Variants in FYB1 observed in about 807,000 individuals in gnomAD.
FYB1 encodes the protein FYN binding protein 1, also known as FYN-binding protein 1.
Under a neutral mutation model 94.1 loss-of-function variants are expected in FYB1, and 41 were observed. The observed-to-expected ratio is 0.44, with a 90% CI of 0.34 to 0.57. The LOEUF (loss-of-function observed/expected upper bound fraction) is 0.57. Among genes scored for constraint, FYB1 ranks in the 20% least tolerant of loss-of-function variants. The pLI, the probability that FYB1 is intolerant of heterozygous loss-of-function variation, is 0.02. For missense variants in FYB1, 1,050 were observed against 976.8 expected (o/e 1.07, Z -1.00); for synonymous variants, 367 against 353.2 (o/e 1.04, Z -0.44).
At chr5:39,232,704 C>T (rs1211315970) in intron 1 of FYB1, among the ~76,000 whole-genome samples, 3 of 151,048 alleles carry the variant, frequency 2.0e-5, no homozygotes, top group Admixed American at 6.6e-5. Context: ...TCTCCCAATG[C>T]TAACCCTCCC....
intron 2 of FYB1, among the ~76,000 whole-genome samples, chr5:39,183,256 G>T (rs1746426597): frequency 1.3e-5 from 2 of 152,064 alleles, no homozygotes; most frequent in Admixed American, 1.3e-4. Context: ...AAAATGCTGG[G>T]ATTACAGGCA....
chr5:39,134,051 C>T (rs1028217095), intron 9 of FYB1, among the ~76,000 whole-genome samples, 157 bp downstream of exon 9: 4 of 152,176 alleles, frequency 2.6e-5, no homozygotes, highest in Non-Finnish European at 5.9e-5. Flanking sequence ...GAGTTTCAAA[C>T]GACCTTTCAC....
In FYB1 at chr5:39,166,943, C is replaced by A. The variant is rs946936115; in HGVS notation, c.1136-13339G>T. Among the ~76,000 whole-genome samples, 128 of 151,950 alleles carry A rather than the reference C, an allele frequency of 8.4e-4. 1 individual carries two copies. The highest frequency in any genetic ancestry group is 3.1e-3 in the African/African-American group (127 of 41,422). On this transcript the variant is annotated intron_variant, in intron 2 of 18. Coordinates refer to ENST00000512982, the MANE Select transcript of FYB1 (RefSeq NM_001465.6). ...TGAAAAAAAACCCCTGCACTTTATCCCTTAAATTTATATAAATAAAAAAAG... is the reference window on the plus strand; with the variant it reads ...TGAAAAAAAACCCCTGCACTTTATCACTTAAATTTATATAAATAAAAAAAG...
At chr5:39,193,977 A>C (rs113891663) in intron 2 of FYB1, among the ~76,000 whole-genome samples, 2,529 of 152,320 alleles carry the variant, frequency 0.017, 73 homozygotes, top group African/African-American at 0.056. Flanking sequence ...CAGCCAGATC[A>C]AAAGAACTAG....
At chr5:39,247,674 T>C (rs835187) in intron 1 of FYB1, among the ~76,000 whole-genome samples, 25,456 of 152,030 alleles carry the variant, frequency 0.17, 5,684 homozygotes, top group African/African-American at 0.49. Context: ...TTTCTTTATA[T>C]GTCAATTGTG....
At chr5:39,157,403 CG>C (rs1163763304) in intron 2 of FYB1, among the ~76,000 whole-genome samples, 2 of 152,112 alleles carry the variant, frequency 1.3e-5, no homozygotes, top group Non-Finnish European at 2.9e-5. Flanking sequence ...GCTCACATAT[CG>C]GGGTGTTCTT....
intron 16 of FYB1, among the ~76,000 whole-genome samples, chr5:39,111,532 A>T (rs1050153701): frequency 6.6e-6 from 1 of 151,846 alleles, no homozygotes; most frequent in African/African-American, 2.4e-5. Flanking sequence ...TATACATTAA[A>T]ATTTAAGAAA....
chr5:39,183,843 G>A (rs1330512934), intron 2 of FYB1, among the ~76,000 whole-genome samples: 2 of 152,172 alleles, frequency 1.3e-5, no homozygotes, highest in Non-Finnish European at 2.9e-5. Flanking sequence ...TTCTGATTCA[G>A]GAAGGGGGCT....
intron 1 of FYB1, among the ~76,000 whole-genome samples, chr5:39,236,848 C>A (rs10051193): frequency 0.11 from 15,977 of 152,100 alleles, 2,325 homozygotes; most frequent in African/African-American, 0.32. Flanking sequence ...TGTCATCTAT[C>A]AAACAGAGAT....
chr5:39,244,339 T>C (rs918354869), intron 1 of FYB1, among the ~76,000 whole-genome samples: 1 of 151,774 alleles, frequency 6.6e-6, no homozygotes, highest in Non-Finnish European at 1.5e-5. Flanking sequence ...TTATAGAGAG[T>C]TTTCAGCATG....
At chr5:39,242,440 T>G (rs1467182700) in intron 1 of FYB1, among the ~76,000 whole-genome samples, 1 of 152,138 alleles carries the variant, frequency 6.6e-6, no homozygotes, top group Non-Finnish European at 1.5e-5. Context: ...GTTTCCAGCT[T>G]CATCCATGTC....
intron 2 of FYB1, among the ~76,000 whole-genome samples, chr5:39,175,835 C>T (rs1316205694): frequency 6.6e-6 from 1 of 152,072 alleles, no homozygotes; most frequent in Non-Finnish European, 1.5e-5. Flanking sequence ...TAGTGAATAA[C>T]CTAGTGAATG....
intron 14 of FYB1, among the ~76,000 whole-genome samples, chr5:39,120,670 A>G (rs1031018292): frequency 6.6e-6 from 1 of 152,160 alleles, no homozygotes; most frequent in Non-Finnish European, 1.5e-5. Context: ...AGAGCTATAG[A>G]TATCTTTAGT....
At chr5:39,210,814 C>CA (rs1471169915) in intron 1 of FYB1, among the ~76,000 whole-genome samples, 1 of 152,178 alleles carries the variant, frequency 6.6e-6, no homozygotes, top group African/African-American at 2.4e-5. Flanking sequence ...GGTTTGAGTT[C>CA]ATCCTAAGCA....
At chr5:39,270,342 C>T (rs550658506) in intron 1 of FYB1, among the ~76,000 whole-genome samples, 4 of 152,178 alleles carry the variant, frequency 2.6e-5, no homozygotes, top group South Asian at 2.1e-4. Context: ...TGCTCTTCCC[C>T]TATTCTGAAG....
chr5:39,259,100 C>T (rs1228629112), intron 1 of FYB1, among the ~76,000 whole-genome samples: 4 of 152,210 alleles, frequency 2.6e-5, no homozygotes, highest in African/African-American at 9.6e-5. Flanking sequence ...GCCATTCTAT[C>T]ACATCTGAAA....
intron 2 of FYB1, among the ~76,000 whole-genome samples, chr5:39,185,623 C>T (rs549879329): frequency 7.9e-5 from 11 of 138,744 alleles, no homozygotes; most frequent in African/African-American, 2.9e-4. Flanking sequence ...TATATATATA[C>T]ACACATATAT....
At chr5:39,190,004 C>T (rs532485546) in intron 2 of FYB1, among the ~76,000 whole-genome samples, 106 of 152,326 alleles carry the variant, frequency 7.0e-4, no homozygotes, top group African/African-American at 2.4e-3. Flanking sequence ...CTGCAGAGAG[C>T]ATCAGATTTT....
intron 16 of FYB1, among the ~76,000 whole-genome samples, chr5:39,115,842 C>T (rs978731997): frequency 1.3e-5 from 2 of 152,112 alleles, no homozygotes; most frequent in East Asian, 3.9e-4. Flanking sequence ...GTAACATGCT[C>T]CTAGTGCCTC....
Sources: allele counts gnomAD v4.1 joint callset (sites outside exome capture counted in the v4.1 genomes callset), GRCh38; gene constraint gnomAD v4.1.1; transcripts MANE v1.5; gene names NCBI Gene and HGNC (gene_info 2026-07-23, HGNC 2026-07-21).